Variants in ABCA9 observed in about 807,000 individuals in gnomAD.
ABCA9 encodes the protein ATP-binding cassette sub-family A member 9.
In ABCA9, 183 loss-of-function variants were observed where a neutral mutation model predicts 205.3. That is an observed-to-expected ratio of 0.89 (90% CI 0.79 to 1.01). The LOEUF (loss-of-function observed/expected upper bound fraction) is 1.01. Among genes scored for constraint, ABCA9 ranks in the 50% least tolerant of loss-of-function variants. The pLI, the probability that ABCA9 is intolerant of heterozygous loss-of-function variation, is 0.00. For missense variants in ABCA9, 1,805 were observed against 1,912.4 expected (o/e 0.94, Z 1.05); for synonymous variants, 651 against 683.3 (o/e 0.95, Z 0.74).
At chr17:69,069,656 T>G in the ABCA9 span, among the ~76,000 whole-genome samples, 1 of 151,636 alleles carries the variant, frequency 6.6e-6, no homozygotes, top group Non-Finnish European at 1.5e-5. Context: ...GCACTAGATC[T>G]CTCTACGACA....
chr17:68,995,936 G>A lies in ABCA9; in HGVS notation c.3514C>T (p.Pro1172Ser). The A allele has an allele frequency of 1.2e-6, 2 of 1,613,760 alleles. No individual in the cohort carries two copies. Among genetic ancestry groups the A allele is most frequent in the East Asian group, 2.2e-5 (1 of 44,872 alleles). Residue 1172 changes from proline to serine, a missense_variant, in exon 26 of 39, where the codon CCT becomes TCT. Coordinates refer to ENST00000340001, the MANE Select transcript of ABCA9 (RefSeq NM_080283.4). ...LGLFFGTMLI[P>S]PFTLIGSLFI... is the part of the protein sequence containing the mutation. ...AGAGAGCCAATCAATGTGAAGGGAG[G>A]TATTAACATGGTGCCAAAAAATAGC...
chr17:69,066,609 GTTT>G, the ABCA9 span, among the ~76,000 whole-genome samples: 1 of 147,270 alleles, frequency 6.8e-6, no homozygotes, highest in Non-Finnish European at 1.5e-5. Flanking sequence ...GATGGGACAG[GTTT>G]TTTTTTTTCT....
At chr17:69,058,007 G>C (rs4968994) in intron 1 of ABCA9, among the ~76,000 whole-genome samples, 138,749 of 152,204 alleles carry the variant, frequency 0.91, 63,649 homozygotes, top group East Asian at 1. Context: ...GTATATAAGG[G>C]AGAATAACAA....
At chr17:69,061,819 T>C (rs896157577), upstream of ABCA9, among the ~76,000 whole-genome samples, 1 of 152,218 alleles carries the variant, frequency 6.6e-6, no homozygotes, top group African/African-American at 2.4e-5. Context: ...GAGTTCATCT[T>C]TGGCTGAAGA....
In ABCA9 at chr17:68,985,401, A is replaced by G. The variant is rs1598331867; in HGVS notation, c.4209-273T>C. On this transcript the variant is annotated intron_variant, in intron 32 of 38. Transcript: ENST00000340001. ...CACTTTGGGAGGCTGAGGCAGGTGG[A>G]CCACGAGGTCAAGAGATTGAGACCA... Among the ~76,000 whole-genome samples the G allele has an allele frequency of 2.0e-5, 3 of 152,274 alleles. No homozygotes were observed. In the South Asian group the frequency reaches 6.2e-4, roughly 32 times the overall value.
At chr17:68,991,726 C>A (rs1203503981) in intron 28 of ABCA9, among the ~76,000 whole-genome samples, 1 of 152,184 alleles carries the variant, frequency 6.6e-6, no homozygotes, top group Non-Finnish European at 1.5e-5. Context: ...CTATACTTTT[C>A]TGTTTCAAGA....
At chr17:69,066,995 C>A in the ABCA9 span, among the ~76,000 whole-genome samples, 2 of 152,012 alleles carry the variant, frequency 1.3e-5, no homozygotes, top group African/African-American at 4.8e-5. Flanking sequence ...GCATCGATAG[C>A]TATTGAAACT....
the ABCA9 span, among the ~76,000 whole-genome samples, chr17:69,073,835 C>T: frequency 6.6e-6 from 1 of 152,026 alleles, no homozygotes; most frequent in Non-Finnish European, 1.5e-5. Flanking sequence ...TAGCTTGGAC[C>T]ACAAGCACAT....
Position 68,977,256 on chromosome 17 carries a change from C to T in ABCA9, c.4721-1066G>A, listed in dbSNP as rs1260617342. On this transcript the variant is annotated intron_variant, in intron 37 of 38. Transcript: ENST00000340001. The stretch of plus-strand genomic sequence containing the variant: ...CAAAAGCAGGATGCATCACCCACCC[C>T]GGGGAGCTGTAATCAGAGGTAATAG... 3.3e-5 allele frequency among the ~76,000 whole-genome samples: 5 copies of T among 151,920 alleles called. No individual in the cohort carries two copies. The East Asian group carries it at 5.8e-4, about 18-fold the overall frequency.
intron 26 of ABCA9, among the ~76,000 whole-genome samples, chr17:68,993,606 G>A (rs756976934): frequency 3.3e-5 from 5 of 152,068 alleles, no homozygotes; most frequent in Non-Finnish European, 5.9e-5. Context: ...CCACTCTTTT[G>A]CAAATAAAAG....
chr17:69,049,512 A>AG lies in ABCA9; in HGVS notation c.97-23dup, dbSNP rs1371521658. 2.6e-6 allele frequency: 4 copies of AG among 1,565,810 alleles called. No individual in the cohort carries two copies. The Admixed American group carries it at 5.3e-5, about 21-fold the overall frequency. ...ATTCCTATATAGCAATAAGAGAAAA[A>AG]GGAAACAAACTGGTAGATGTTATAC... On this transcript the variant is annotated intron_variant, in intron 2 of 38. Transcript: ENST00000340001.
chr17:69,032,258 C>T lies in ABCA9; in HGVS notation c.1295G>A (p.Cys432Tyr), dbSNP rs1250692994. 9 of 1,613,406 alleles carry T rather than the reference C, an allele frequency of 5.6e-6. No individual in the cohort carries two copies. Among genetic ancestry groups the T allele is most frequent in the South Asian group, 2.2e-5 (2 of 90,962 alleles). Residue 432 changes from cysteine to tyrosine, a missense_variant, in exon 10 of 39, where the codon TGT becomes TAT. Cys to Tyr is a radical substitution (Grantham distance 194, BLOSUM62 -2). Coordinates refer to ENST00000340001, the MANE Select transcript of ABCA9 (RefSeq NM_080283.4). The part of the protein sequence containing the change: ...KILPAEYGHR[C>Y]SPLFFLKSCF... ...GGATTTCAGGAAAAACAAGGGAGAA[C>T]ATCGATGTCCATATTCAGCTATGTG...
chr17:68,979,073 G>A (rs903752593), intron 37 of ABCA9, among the ~76,000 whole-genome samples: 15 of 152,090 alleles, frequency 9.9e-5, no homozygotes, highest in Admixed American at 2.6e-4. Context: ...TAAGCTGATA[G>A]GCAACTTCAG....
the ABCA9 span, among the ~76,000 whole-genome samples, chr17:69,072,347 A>C: frequency 4.6e-5 from 7 of 152,196 alleles, no homozygotes; most frequent in African/African-American, 1.4e-4. Context: ...AGCCAGAGAG[A>C]AAGGTCGGTT....
At chr17:68,990,384 CATGCATGTGTTTCTTGAGA>C (rs1168733392) in intron 29 of ABCA9, among the ~76,000 whole-genome samples, 1 of 152,182 alleles carries the variant, frequency 6.6e-6, no homozygotes, top group Non-Finnish European at 1.5e-5. Context: ...TGTGTATGCA[CATGCATGTGTTTCTTGAGA>C]CAGAATCTTG....
intron 1 of ABCA9, among the ~76,000 whole-genome samples, chr17:69,055,480 C>A (rs556256144): frequency 1.6e-4 from 25 of 152,222 alleles, no homozygotes; most frequent in African/African-American, 6.0e-4. Flanking sequence ...GAAGTCATAG[C>A]AATCTTTAAC....
intron 28 of ABCA9, 108 bp from the exon 29 acceptor site, chr17:68,991,065 CACA>C: frequency 8.3e-7 from 1 of 1,199,774 alleles, no homozygotes; most frequent in African/African-American, 1.5e-5. Flanking sequence ...TCATTCAGAG[CACA>C]ACATCCTCTC....
At chr17:69,030,998 TGAC>T (rs937761217) in intron 10 of ABCA9, among the ~76,000 whole-genome samples, 14 of 152,200 alleles carry the variant, frequency 9.2e-5, no homozygotes, top group Non-Finnish European at 2.1e-4. Context: ...GCCACAGTAA[TGAC>T]GCAGGACTGG....
At chr17:69,057,553 T>C (rs917071429) in intron 1 of ABCA9, among the ~76,000 whole-genome samples, 1 of 152,136 alleles carries the variant, frequency 6.6e-6, no homozygotes, top group Non-Finnish European at 1.5e-5. Flanking sequence ...CTTTATAGAA[T>C]TGTTTGCAGA....
Sources: allele counts gnomAD v4.1 joint callset (sites outside exome capture counted in the v4.1 genomes callset), GRCh38; gene constraint gnomAD v4.1.1; transcripts MANE v1.5; gene names NCBI Gene and HGNC (gene_info 2026-07-23, HGNC 2026-07-21).